The following ASIC4 variants were observed in gnomAD, a reference collection of about 807,000 sequenced individuals.
The protein encoded by ASIC4 is acid sensing ion channel subunit family member 4, also known as acid-sensing ion channel 4.
Under a neutral mutation model 53.4 loss-of-function variants are expected in ASIC4, and 28 were observed. The ratio of observed to expected loss-of-function variants is 0.52; its 90% confidence interval spans 0.39 to 0.72. The LOEUF (loss-of-function observed/expected upper bound fraction) is 0.72, where lower values mean the gene tolerates loss of function less well. Ranked by LOEUF, ASIC4 falls within the 30% of genes least tolerant of loss-of-function variation. The pLI, the probability that ASIC4 is intolerant of heterozygous loss-of-function variation, is 0.00. For synonymous variants in ASIC4, 289 were observed against 301.4 expected (o/e 0.96, Z 0.43); for missense variants, 649 against 729.7 (o/e 0.89, Z 1.27).
intron 1 of ASIC4, among the ~76,000 whole-genome samples, chr2:219,526,938 A>G (rs1694970718): frequency 6.6e-6 from 1 of 152,206 alleles, no homozygotes; most frequent in African/African-American, 2.4e-5. Flanking sequence ...CACGGCCCAG[A>G]GGCTGAGAGC....
chr2:219,513,249 G>A (rs112091201), upstream of ASIC4, among the ~76,000 whole-genome samples: 1 of 149,118 alleles, frequency 6.7e-6, no homozygotes, highest in African/African-American at 2.5e-5. Context: ...CTTTCCTCCC[G>A]GGGACAAGGG....
chr2:219,535,809 G>C (rs1384354690), intron 6 of ASIC4, among the ~76,000 whole-genome samples: 2 of 130,490 alleles, frequency 1.5e-5, no homozygotes, highest in Non-Finnish European at 3.1e-5. Flanking sequence ...GTCTTGCTCT[G>C]TCGCCCAGGC....
intron 5 of ASIC4, chr2:219,533,362 G>A (rs762388650): frequency 3.4e-5 from 9 of 266,776 alleles, no homozygotes; most frequent in Admixed American, 1.9e-4. Context: ...TCCATTCATC[G>A]ATTCGCGCAT....
At chr2:219,514,192 A>C, upstream of ASIC4, 2 of 944,786 alleles carry the variant, frequency 2.1e-6, no homozygotes, top group Non-Finnish European at 3.0e-6. Context: ...GCTAGGGTGC[A>C]GCAGGAGTTT....
chr2:219,517,812 G>T lies in ASIC4; in HGVS notation c.582+2506G>T, dbSNP rs1574487491. 6.6e-6 allele frequency among the ~76,000 whole-genome samples: 1 copy of T among 152,040 alleles called. No homozygotes were observed. Among genetic ancestry groups the T allele is most frequent in the Non-Finnish European group, 1.5e-5 (1 of 67,994 alleles). On this transcript the variant is annotated intron_variant, in intron 1 of 9. Transcript: ENST00000358078. The surrounding 1 kb of genome is among the most constrained non-coding windows in gnomAD (Gnocchi z 4.2). ...AGCTGGTTGGTGGGGAGCCTGCCGGGGTATGGGTGGTGAGATGGTCAGAGA... is the reference window on the plus strand; with the variant it reads ...AGCTGGTTGGTGGGGAGCCTGCCGGTGTATGGGTGGTGAGATGGTCAGAGA...
chr2:219,519,795 A>T (rs1318817813), intron 1 of ASIC4, among the ~76,000 whole-genome samples: 2 of 151,956 alleles, frequency 1.3e-5, no homozygotes, highest in African/African-American at 4.8e-5. Context: ...GGACCACAGG[A>T]TATAAAGGGT....
chr2:219,516,571 T>C lies in ASIC4; in HGVS notation c.582+1265T>C, dbSNP rs1464358969. ...CCAGCATTGTGTGTGCATGCGTGTA[T>C]GTTTCATCCTCGTTGCCACTGCCCA... On this transcript the variant is annotated intron_variant, in intron 1 of 9. Transcript: ENST00000358078. The surrounding 1 kb of genome is among the most constrained non-coding windows in gnomAD (Gnocchi z 4.9). 2 of 152,252 alleles carry C rather than the reference T, an allele frequency of 1.3e-5. No individual in the cohort carries two copies. The highest frequency in any genetic ancestry group is 2.1e-4 in the South Asian group (1 of 4,836). 9.4% of individuals were successfully genotyped at this position (152,252 alleles called of 1,614,324 possible).
chr2:219,520,719 T>A (rs553409796), intron 1 of ASIC4, among the ~76,000 whole-genome samples: 2 of 152,354 alleles, frequency 1.3e-5, no homozygotes, highest in Non-Finnish European at 2.9e-5. Flanking sequence ...CAGCTTCTCC[T>A]GAGGCATGAG....
At chr2:219,513,163 C>A (rs1271785149), upstream of ASIC4, among the ~76,000 whole-genome samples, 1 of 152,144 alleles carries the variant, frequency 6.6e-6, no homozygotes, top group Non-Finnish European at 1.5e-5. Flanking sequence ...CGGCTTGGAT[C>A]GATGGAGCCA....
Position 219,531,749 on chromosome 2 carries a change from A to AC in ASIC4, c.583-7dup, listed in dbSNP as rs1430871431. Reference sequence around the variant, plus strand: ...ATCTCCCCTCCTGCTCTCTCACCCCACCTCCCAGGTCTATACTCGCTATGG... The same window carrying AC: ...ATCTCCCCTCCTGCTCTCTCACCCCACCCTCCCAGGTCTATACTCGCTATGG... On this transcript the variant is annotated splice_polypyrimidine_tract_variant and intron_variant, in intron 1 of 9. Transcript: ENST00000358078. The AC allele has an allele frequency of 6.4e-7, 1 of 1,565,126 alleles. No individual in the cohort carries two copies. Among genetic ancestry groups the AC allele is most frequent in the Non-Finnish European group, 8.7e-7 (1 of 1,154,760 alleles).
intron 1 of ASIC4, among the ~76,000 whole-genome samples, chr2:219,524,426 G>A (rs774666958): frequency 4.6e-5 from 7 of 152,204 alleles, no homozygotes; most frequent in Non-Finnish European, 8.8e-5. Flanking sequence ...CTGTACCTCC[G>A]TTACCCTGTC....
At chr2:219,535,139 C>T in intron 5 of ASIC4, 32 bp from the exon 6 acceptor site, 1 of 1,594,640 alleles carries the variant, frequency 6.3e-7, no homozygotes. Context: ...CCTTCTCCAA[C>T]TCCCACTGTA....
upstream of ASIC4, among the ~76,000 whole-genome samples, chr2:219,510,016 A>G (rs1378568640): frequency 6.6e-6 from 1 of 151,764 alleles, no homozygotes; most frequent in African/African-American, 2.4e-5. The surrounding 1 kb of genome is among the most constrained non-coding windows in gnomAD (Gnocchi z 5.2). Flanking sequence ...GGCTCTGTCA[A>G]TGGCAGAAAA....
At chr2:219,530,388 G>A (rs1357914128) in intron 1 of ASIC4, among the ~76,000 whole-genome samples, 6 of 151,378 alleles carry the variant, frequency 4.0e-5, no homozygotes, top group Non-Finnish European at 8.8e-5. Context: ...CAGAGGAAAA[G>A]GGAGCCGGGC....
intron 5 of ASIC4, among the ~76,000 whole-genome samples, chr2:219,534,593 G>A (rs1695096663): frequency 6.6e-6 from 1 of 152,242 alleles, no homozygotes; most frequent in South Asian, 2.1e-4. Context: ...CAGAGGACAA[G>A]GGAGTTTAGT....
chr2:219,508,971 G>A, the ASIC4 span, among the ~76,000 whole-genome samples: 3 of 152,224 alleles, frequency 2.0e-5, no homozygotes, highest in Middle Eastern at 6.8e-3. Context: ...GGCGACAGGG[G>A]AGGAGAGCCG....
At chr2:219,508,055 G>C in the ASIC4 span, among the ~76,000 whole-genome samples, 1 of 152,206 alleles carries the variant, frequency 6.6e-6, no homozygotes, top group Non-Finnish European at 1.5e-5. Context: ...GGGTTTAGCA[G>C]TCCTGACCTA....
intron 6 of ASIC4, among the ~76,000 whole-genome samples, chr2:219,535,932 C>G (rs1225938448): frequency 1.3e-5 from 2 of 152,028 alleles, no homozygotes; most frequent in Non-Finnish European, 2.9e-5. Flanking sequence ...ACAGCCATAC[C>G]CAGCTAATTT....
upstream of ASIC4, chr2:219,514,369 C>CGCG (rs1694741731): frequency 2.6e-6 from 4 of 1,546,052 alleles, no homozygotes; most frequent in Non-Finnish European, 2.6e-6. Context: ...GCTGGGGCTG[C>CGCG]GCGGCGTGGC....
Sources: allele counts gnomAD v4.1 joint callset (sites outside exome capture counted in the v4.1 genomes callset), GRCh38; gene constraint gnomAD v4.1.1; non-coding constraint Gnocchi (gnomAD v3.1); transcripts MANE v1.5; gene names NCBI Gene and HGNC (gene_info 2026-07-23, HGNC 2026-07-21).